The following DNAH11 variants were observed in gnomAD, a reference collection of about 807,000 sequenced individuals.
DNAH11 encodes the protein dynein axonemal heavy chain 11.
Under a neutral mutation model 526.0 loss-of-function variants are expected in DNAH11, and 442 were observed. The observed-to-expected ratio is 0.84, with a 90% CI of 0.78 to 0.91. The LOEUF is 0.91. Ranked by LOEUF, DNAH11 falls within the 40% of genes least tolerant of loss-of-function variation. DNAH11 has a pLI of 0.00. For synonymous variants in DNAH11, 2,461 were observed against 1,935.9 expected (o/e 1.27, Z -7.12); for missense variants, 6,989 against 5,448.7 (o/e 1.28, Z -8.90).
At chr7:21,581,703 G>A (rs1211532411) in intron 8 of DNAH11, among the ~76,000 whole-genome samples, 1 of 152,208 alleles carries the variant, frequency 6.6e-6, no homozygotes, top group Non-Finnish European at 1.5e-5. Flanking sequence ...TAAGCTTTCA[G>A]TGATTCTGTA....
At chr7:21,821,471 G>A (rs1004168488) in intron 65 of DNAH11, among the ~76,000 whole-genome samples, 1 of 152,142 alleles carries the variant, frequency 6.6e-6, no homozygotes, top group Admixed American at 6.5e-5. Context: ...TGAGAAAAAT[G>A]GGGACCCAGA....
At chr7:21,679,275 AACTTTC>A (rs1449985567) in intron 30 of DNAH11, among the ~76,000 whole-genome samples, 7 of 152,226 alleles carry the variant, frequency 4.6e-5, no homozygotes, top group Non-Finnish European at 7.3e-5. Flanking sequence ...AAAGGGTACA[AACTTTC>A]AGTTATAGCA....
In DNAH11 at chr7:21,842,649, G is replaced by T. The variant is rs1434840281; in HGVS notation, c.10797G>T (p.Gln3599His). 4 of 1,613,800 alleles carry T rather than the reference G, an allele frequency of 2.5e-6. No homozygotes were observed. In the Admixed American group the frequency reaches 6.7e-5, roughly 27 times the overall value. ...ACTATAAGCCGGAATTACAAGCTCA[G>T]ACAACTCTCCTCAATTTCACAGTCA... Reference protein sequence around the residue: ...NPHYKPELQAQTTLLNFTVTE... With the variant: ...NPHYKPELQAHTTLLNFTVTE... Residue 3599 changes from glutamine to histidine, a missense_variant, in exon 66 of 82, where the codon CAG becomes CAT. Transcript: ENST00000409508.
intron 44 of DNAH11, among the ~76,000 whole-genome samples, chr7:21,721,133 T>G (rs1784859879): frequency 6.6e-6 from 1 of 152,218 alleles, no homozygotes; most frequent in Non-Finnish European, 1.5e-5. Flanking sequence ...TTCAGCATGC[T>G]GTTCTACAAG....
chr7:21,665,666 G>A (rs1214592994), intron 30 of DNAH11, among the ~76,000 whole-genome samples: 1 of 152,086 alleles, frequency 6.6e-6, no homozygotes, highest in Non-Finnish European at 1.5e-5. Context: ...TTGTTCTAGA[G>A]TTAAATAGTG....
intron 65 of DNAH11, among the ~76,000 whole-genome samples, chr7:21,830,347 C>T (rs1790496306): frequency 6.6e-6 from 1 of 152,126 alleles, no homozygotes; most frequent in Non-Finnish European, 1.5e-5. Flanking sequence ...GGATTTGATA[C>T]TTCGGTAGTT....
chr7:21,722,555 C>G (rs1784919936), intron 44 of DNAH11, among the ~76,000 whole-genome samples: 3 of 152,044 alleles, frequency 2.0e-5, no homozygotes, highest in Admixed American at 2.0e-4. Context: ...ACTAGGTTAC[C>G]ATAACTCATG....
chr7:21,561,421 G>A, intron 5 of DNAH11: 1 of 357,188 alleles, frequency 2.8e-6, no homozygotes, highest in Non-Finnish European at 5.0e-6. Flanking sequence ...GAATGTTTGT[G>A]GAGGAGTGAG....
At chr7:21,747,570 C>T (rs767211526) in intron 51 of DNAH11, among the ~76,000 whole-genome samples, 20 of 152,142 alleles carry the variant, frequency 1.3e-4, no homozygotes, top group Middle Eastern at 3.4e-3. Context: ...AAAGTTAAAG[C>T]GAGTTTATTT....
intron 8 of DNAH11, among the ~76,000 whole-genome samples, chr7:21,576,898 A>T (rs1784117053): frequency 6.6e-6 from 1 of 152,166 alleles, no homozygotes; most frequent in Non-Finnish European, 1.5e-5. Context: ...AAATGTGTCT[A>T]TGTGTGTTAC....
chr7:21,720,770 C>A lies in DNAH11; in HGVS notation c.7180C>A (p.Pro2394Thr). ...GTGCTTGCTGACTCCTGAAAATGTA[C>A]CTTCTGACAGCCCAAAAGAAGTTTA... ...LECLLTPENV[P>T]SDSPKEVYEV... The change falls in exon 44 of 82, where the codon CCT (proline) becomes ACT (threonine). Residue 2394 changes from proline (P) to threonine (T), a missense_variant. Physicochemically the swap from Pro to Thr is conservative, Grantham distance 38. Coordinates refer to ENST00000409508, the MANE Select transcript of DNAH11 (RefSeq NM_001277115.2). 1.3e-6 allele frequency: 2 copies of A among 1,599,472 alleles called. No homozygotes were observed. The highest frequency in any genetic ancestry group is 1.7e-6 in the Non-Finnish European group (2 of 1,172,198).
Position 21,580,068 on chromosome 7 carries a change from A to T in DNAH11, c.1594-1837A>T, listed in dbSNP as rs535496556. Among the ~76,000 whole-genome samples the T allele has an allele frequency of 5.5e-4, 84 of 152,312 alleles. 1 individual carries two copies. The highest frequency in any genetic ancestry group is 1.9e-3 in the African/African-American group (80 of 41,568). On this transcript the variant is annotated intron_variant, in intron 8 of 81. Transcript: ENST00000409508. ...AGATTTGTACTTGAACAAATTAGGTATGAATTTTTTGTGGGACTTTCCAAG... is the reference window on the plus strand; with the variant it reads ...AGATTTGTACTTGAACAAATTAGGTTTGAATTTTTTGTGGGACTTTCCAAG...
At chr7:21,853,293 A>T (rs1782712821) in intron 67 of DNAH11, among the ~76,000 whole-genome samples, 1 of 152,206 alleles carries the variant, frequency 6.6e-6, no homozygotes, top group South Asian at 2.1e-4. Context: ...GCTTTCTGGA[A>T]TATCCTTATT....
At chr7:21,565,731 G>A (rs76237950) in intron 6 of DNAH11, among the ~76,000 whole-genome samples, 1 of 152,168 alleles carries the variant, frequency 6.6e-6, no homozygotes, top group Non-Finnish European at 1.5e-5. Flanking sequence ...TGGCTATTGC[G>A]AGGATTCAAA....
intron 25 of DNAH11, among the ~76,000 whole-genome samples, chr7:21,627,345 T>A (rs76155473): frequency 0.027 from 4,059 of 152,246 alleles, 181 homozygotes; most frequent in African/African-American, 0.093. Flanking sequence ...ACACACAAAA[T>A]CTTTGCCCAC....
intron 9 of DNAH11, among the ~76,000 whole-genome samples, chr7:21,582,236 T>C (rs1048825801): frequency 6.6e-5 from 10 of 152,210 alleles, no homozygotes; most frequent in Admixed American, 6.5e-4. Context: ...GTTACTGTTC[T>C]GTTCTTGCAT....
chr7:21,628,180 T>G (rs1047139842), intron 25 of DNAH11, among the ~76,000 whole-genome samples: 2 of 147,462 alleles, frequency 1.4e-5, no homozygotes, highest in African/African-American at 5.1e-5. Flanking sequence ...GTTCTAACAG[T>G]TTTTTTTTTG....
At chr7:21,642,475 A>G (rs1171326797) in intron 28 of DNAH11, among the ~76,000 whole-genome samples, 1 of 151,882 alleles carries the variant, frequency 6.6e-6, no homozygotes, top group Non-Finnish European at 1.5e-5. Context: ...ATCTTGCCAC[A>G]CTCTCTTACC....
chr7:21,554,076 A>G (rs140050085), intron 2 of DNAH11, among the ~76,000 whole-genome samples: 15 of 151,156 alleles, frequency 9.9e-5, no homozygotes, highest in African/African-American at 3.4e-4. Context: ...TGAATCTCCA[A>G]TGCCTTTGAG....
Sources: gnomAD v4.1 joint callset for allele counts (sites outside exome capture counted in the v4.1 genomes callset) on GRCh38, gnomAD v4.1.1 for gene constraint, MANE v1.5 for transcripts, NCBI Gene and HGNC (gene_info 2026-07-23, HGNC 2026-07-21) for gene names.